PSMB8: variants seen among roughly 807,000 people sequenced by gnomAD.
PSMB8 encodes proteasome subunit beta type-8.
A neutral mutation model predicts 32.3 loss-of-function variants in PSMB8; 20 were observed. That is an observed-to-expected ratio of 0.62 (90% confidence interval 0.44 to 0.90). The LOEUF is 0.90. Among genes scored for constraint, PSMB8 ranks in the 40% least tolerant of loss-of-function variants. PSMB8 has a pLI of 0.00. For synonymous variants in PSMB8, 131 were observed against 135.4 expected, an observed-to-expected ratio of 0.97 and a Z score of 0.23; for missense variants, 342 against 365.4, an observed-to-expected ratio of 0.94 and a Z score of 0.52.
chr6:32,841,128 A>G, intron 5 of PSMB8, 81 bp from the exon 6 acceptor site: 9 of 1,199,404 alleles, frequency 7.5e-6, no homozygotes, highest in Non-Finnish European at 1.1e-5. Flanking sequence ...TGAAGGCAGC[A>G]ACAAGACACA....
At chr6:32,842,529 G>A (rs1263470212) in intron 3 of PSMB8, 143 bp downstream of exon 3, 2 of 901,202 alleles carry the variant, frequency 2.2e-6, no homozygotes, top group African/African-American at 1.7e-5. Flanking sequence ...TTGGGAGAAG[G>A]GTCTTATCAC....
chr6:32,843,106 G>C lies in PSMB8; in HGVS notation c.148-17C>G, dbSNP rs1770037473. On this transcript the variant is annotated splice_polypyrimidine_tract_variant and intron_variant, in intron 1 of 5. Transcript: ENST00000374882. ...TTCTGTGGGCTGATAAGAGAAAAGA[G>C]GTTGAGAAAGGCAATGAAAAATTCT... The C allele has an allele frequency of 6.2e-6, 10 of 1,612,884 alleles. No individual in the cohort carries two copies. Among genetic ancestry groups the C allele is most frequent in the Non-Finnish European group, 8.5e-6 (10 of 1,180,014 alleles).
At chr6:32,844,494 TAC>T, upstream of PSMB8, 1 of 1,538,556 alleles carries the variant, frequency 6.5e-7, no homozygotes, top group Non-Finnish European at 8.9e-7. Flanking sequence ...CAACAGAATA[TAC>T]CCGCCGCGTG....
rs749323703 is a variant in PSMB8, at chr6:32,841,637, G to C, written c.636C>G (p.Asp212Glu). 2 of 1,613,066 alleles carry C rather than the reference G, an allele frequency of 1.2e-6. No individual in the cohort carries two copies. Among genetic ancestry groups the C allele is most frequent in the East Asian group, 2.2e-5 (1 of 44,878 alleles). Reference protein sequence around the residue: ...SGNTYAYGVMDSGYRPNLSPE... With the variant: ...SGNTYAYGVMESGYRPNLSPE... ...GGCTAAGATTAGGCCGATAGCCACT[G>C]TCCATGACCCCGTAGGCATAAGTGT... is the stretch of plus-strand genomic sequence containing the variant. The change falls in exon 5 of 6, where the codon GAC (aspartate) becomes GAG (glutamate). Residue 212 changes from aspartate (D) to glutamate (E), a missense_variant. Asp to Glu is a conservative substitution (Grantham distance 45). Coordinates refer to ENST00000374882, the MANE Select transcript of PSMB8 (RefSeq NM_148919.4).
Position 32,840,864 on chromosome 6 carries a change from C to G in PSMB8, c.*95G>C, listed in dbSNP as rs1769854731. On this transcript the variant is annotated 3_prime_UTR_variant, in exon 6 of 6. Transcript: ENST00000374882. ...GCCCGTACTCTCTCTTTGGCTCAGG[C>G]TAGGCCTCTTCTTCTCCTTGGACTT... 2 of 1,067,466 alleles carry G rather than the reference C, an allele frequency of 1.9e-6. No homozygotes were observed. Among genetic ancestry groups the G allele is most frequent in the South Asian group, 2.6e-5 (2 of 77,904 alleles). The allele number at this position is 1,067,466 out of a possible 1,614,324, so 66.1% of individuals were successfully genotyped here. A position where few individuals can be genotyped will look rare whatever the true frequency, so the allele number is the denominator to read the frequency against.
chr6:32,842,677 T>C lies in PSMB8; in HGVS notation c.402A>G (p.Glu134=). 6 of 1,613,518 alleles carry C rather than the reference T, an allele frequency of 3.7e-6. No homozygotes were observed. The highest frequency in any genetic ancestry group is 5.1e-6 in the Non-Finnish European group (6 of 1,179,578). Residue 134 remains glutamate, a synonymous_variant, in exon 3 of 6, where the codon GAA becomes GAG. Transcript: ENST00000374882. ...CQYWERLLAK[E]CRLYYLRNGE... Reference sequence around the variant, plus strand: ...AGATGAGAGGCCTCGCTTACCTGCATTCCTTGGCCAGCAGGCGCTCCCAGT... The same window carrying C: ...AGATGAGAGGCCTCGCTTACCTGCACTCCTTGGCCAGCAGGCGCTCCCAGT...
At chr6:32,841,472 C>T in intron 5 of PSMB8, 59 bp downstream of exon 5, 3 of 1,439,306 alleles carry the variant, frequency 2.1e-6, no homozygotes, top group Non-Finnish European at 2.9e-6. Context: ...TCTTAAATCA[C>T]CCCCCCCACC....
chr6:32,842,949 G>C lies in PSMB8; in HGVS notation c.288C>G (p.Ser96=). 3 of 1,613,470 alleles carry C rather than the reference G, an allele frequency of 1.9e-6. No individual in the cohort carries two copies. The highest frequency in any genetic ancestry group is 2.5e-6 in the Non-Finnish European group (3 of 1,180,038). Residue 96 remains serine, a synonymous_variant, in exon 2 of 6, where the codon TCC becomes TCG. Coordinates refer to ENST00000374882, the MANE Select transcript of PSMB8 (RefSeq NM_148919.4). ...TGGAGCGTATACACTCACTAATGTA[G>C]GACCCAGCTGAGGCCCGAGAATCCA... ...AAVDSRASAG[S]YISALRVNKV...
intron 5 of PSMB8, among the ~76,000 whole-genome samples, chr6:32,841,310 T>C (rs2127375700): frequency 6.6e-6 from 1 of 152,286 alleles, no homozygotes; most frequent in South Asian, 2.1e-4. Flanking sequence ...CCATCTTGGC[T>C]CACTGCAAGC....
intron 4 of PSMB8, 143 bp downstream of exon 4, chr6:32,841,991 T>C (rs1056679554): frequency 1.2e-5 from 15 of 1,295,630 alleles, no homozygotes; most frequent in Non-Finnish European, 1.5e-5. Context: ...AAATAGTCCA[T>C]GGATATACTG....
At chr6:32,843,695 T>C (rs1032661616) in intron 1 of PSMB8, among the ~76,000 whole-genome samples, 155 bp downstream of exon 1, 5 of 152,156 alleles carry the variant, frequency 3.3e-5, no homozygotes, top group Admixed American at 3.3e-4. Context: ...CCCATCCCCA[T>C]GTGGCCTCTT....
In PSMB8 at chr6:32,843,910, G is replaced by A; in HGVS notation, c.87C>T (p.Asp29=). 6.2e-7 allele frequency: 1 copy of A among 1,612,736 alleles called. No individual in the cohort carries two copies. Among genetic ancestry groups the A allele is most frequent in the South Asian group, 1.1e-5 (1 of 91,058 alleles). The part of the protein sequence containing the change: ...LPVAGSGRRS[D]PGHYSFSMRS... Reference sequence around the variant, plus strand: ...GCATAGAGAAACTGTAGTGTCCTGGGTCCGAGCGACGCCCGCTTCCCGCAA... The same window carrying A: ...GCATAGAGAAACTGTAGTGTCCTGGATCCGAGCGACGCCCGCTTCCCGCAA... The change falls in exon 1 of 6, where the codon GAC becomes GAT. Residue 29 remains aspartate (D), a synonymous_variant. Transcript: ENST00000374882.
Position 32,842,122 on chromosome 6 carries a change from G to C in PSMB8, c.537+12C>G, listed in dbSNP as rs761384367. The stretch of plus-strand genomic sequence containing the variant: ...ACATGGTGGGGGAACATGAAGAATG[G>C]AGAGCACCCACCTTCTTATCCCAGC... On this transcript the variant is annotated intron_variant, in intron 4 of 5. Coordinates refer to ENST00000374882, the MANE Select transcript of PSMB8 (RefSeq NM_148919.4). 3 of 1,613,104 alleles carry C rather than the reference G, an allele frequency of 1.9e-6. No individual in the cohort carries two copies. In the South Asian group the frequency reaches 3.3e-5, roughly 18 times the overall value.
At chr6:32,843,798 C>T (rs558829631) in intron 1 of PSMB8, 52 bp downstream of exon 1, 7 of 1,605,774 alleles carry the variant, frequency 4.4e-6, no homozygotes, top group Non-Finnish European at 5.9e-6. Flanking sequence ...CGACCCTCCA[C>T]TCCTCAGCGC....
At chr6:32,844,177 T>G, upstream of PSMB8, 3 of 1,536,154 alleles carry the variant, frequency 2.0e-6, no homozygotes, top group Non-Finnish European at 2.7e-6. Context: ...TCTCCCGTTA[T>G]GGGGGTCGGG....
At chr6:32,841,118 TGAAG>T in intron 5 of PSMB8, 71 bp from the exon 6 acceptor site, 2 of 1,312,758 alleles carry the variant, frequency 1.5e-6, no homozygotes, top group Non-Finnish European at 2.2e-6. Flanking sequence ...GATGTTATGT[TGAAG>T]GCAGCAACAA....
In PSMB8 at chr6:32,843,960, GC is replaced by G; in HGVS notation, c.36del (p.Gln13SerfsTer72). On this transcript the variant is annotated frameshift_variant, in exon 1 of 6. Coordinates refer to ENST00000374882, the MANE Select transcript of PSMB8 (RefSeq NM_148919.4). LOFTEE classifies it high-confidence loss of function. ...ALLDVCGAPR[G>X]QRPESALPVA... ...ACCGGGAGAGCCGATTCCGGCCGCT[GC>G]CCTCGGGGGGCTCCGCATACATCTA... The G allele has an allele frequency of 6.2e-7, 1 of 1,612,524 alleles. No homozygotes were observed. The highest frequency in any genetic ancestry group is 8.5e-7 in the Non-Finnish European group (1 of 1,179,868).
intron 5 of PSMB8, 75 bp downstream of exon 5, chr6:32,841,456 T>C: frequency 6.8e-7 from 1 of 1,477,826 alleles, no homozygotes; most frequent in Non-Finnish European, 9.4e-7. Flanking sequence ...CAGGCTGGTT[T>C]CTCAATCTTA....
At chr6:32,841,985 A>G in intron 4 of PSMB8, 149 bp downstream of exon 4, 1 of 1,234,678 alleles carries the variant, frequency 8.1e-7, no homozygotes, top group Non-Finnish European at 1.2e-6. Context: ...GCCAATAAAT[A>G]GTCCATGGAT....
Sources: allele counts gnomAD v4.1 joint callset (sites outside exome capture counted in the v4.1 genomes callset), GRCh38; gene constraint gnomAD v4.1.1; transcripts MANE v1.5; gene names NCBI Gene and HGNC (gene_info 2026-07-23, HGNC 2026-07-21).